The following LINGO2 variants were observed in gnomAD, a reference collection of about 807,000 sequenced individuals.
The protein encoded by LINGO2 is leucine rich repeat and Ig domain containing 2, also known as leucine-rich repeat and immunoglobulin-like domain-containing nogo receptor-interacting protein 2.
Under a neutral mutation model 30.6 loss-of-function variants are expected in LINGO2, and 14 were observed. The observed-to-expected ratio is 0.46, with a 90% CI of 0.30 to 0.72. LINGO2 has a LOEUF of 0.72. Among genes scored for constraint, LINGO2 ranks in the 30% least tolerant of loss-of-function variants. The pLI is 0.07. For missense variants in LINGO2, 729 were observed against 751.7 expected, an observed-to-expected ratio of 0.97 and a Z score of 0.35; for synonymous variants, 317 against 288.5, an observed-to-expected ratio of 1.10 and a Z score of -1.00.
intron 4 of LINGO2, among the ~76,000 whole-genome samples, chr9:28,185,085 T>C (rs1819495815): frequency 6.6e-6 from 1 of 152,174 alleles, no homozygotes; most frequent in Non-Finnish European, 1.5e-5. Context: ...AAATTGCACA[T>C]ATTTCAGGTA....
chr9:28,588,401 A>C (rs181337435), intron 1 of LINGO2, among the ~76,000 whole-genome samples: 1 of 152,130 alleles, frequency 6.6e-6, no homozygotes, highest in African/African-American at 2.4e-5. Context: ...GTTATCCAGT[A>C]GGATAACAAT....
At chr9:28,204,625 C>A (rs1254616173) in intron 4 of LINGO2, among the ~76,000 whole-genome samples, 3 of 152,096 alleles carry the variant, frequency 2.0e-5, no homozygotes, top group Admixed American at 1.3e-4. Context: ...GTTCCAGAAC[C>A]TAGACTGAGT....
the LINGO2 span, among the ~76,000 whole-genome samples, chr9:29,139,431 A>AT: frequency 1.8e-4 from 28 of 152,192 alleles, no homozygotes; most frequent in African/African-American, 6.5e-4. Context: ...ATATTAATAT[A>AT]TTTTTTCTGG....
chr9:28,821,085 G>A, the LINGO2 span, among the ~76,000 whole-genome samples: 1 of 152,190 alleles, frequency 6.6e-6, no homozygotes, highest in African/African-American at 2.4e-5. Flanking sequence ...AACTTAAATA[G>A]GAGCAGGAAA....
the LINGO2 span, among the ~76,000 whole-genome samples, chr9:28,949,610 G>T: frequency 6.6e-6 from 1 of 151,890 alleles, no homozygotes; most frequent in African/African-American, 2.4e-5. Context: ...AAATTGAGAC[G>T]GTAATTAATA....
chr9:28,793,992 T>G, the LINGO2 span, among the ~76,000 whole-genome samples: 1 of 152,098 alleles, frequency 6.6e-6, no homozygotes, highest in African/African-American at 2.4e-5. Context: ...CCTCAAAACC[T>G]CACCATTGCT....
At chr9:28,187,075 G>A (rs896336068) in intron 4 of LINGO2, among the ~76,000 whole-genome samples, 2 of 152,102 alleles carry the variant, frequency 1.3e-5, no homozygotes, top group African/African-American at 2.4e-5. Context: ...GGAGACTATA[G>A]CAGTCTTCTG....
the LINGO2 span, among the ~76,000 whole-genome samples, chr9:29,024,085 A>C: frequency 3.3e-5 from 5 of 152,136 alleles, no homozygotes; most frequent in Non-Finnish European, 7.4e-5. Flanking sequence ...AAAGCCTCTA[A>C]CCAGTCTTCC....
intron 1 of LINGO2, among the ~76,000 whole-genome samples, chr9:28,589,985 C>G (rs541819310): frequency 6.6e-6 from 1 of 152,114 alleles, no homozygotes; most frequent in Non-Finnish European, 1.5e-5. Context: ...GAACAGAGCC[C>G]TCAGAGATAA....
chr9:28,006,877 C>T (rs1822292115), intron 5 of LINGO2, among the ~76,000 whole-genome samples: 2 of 152,066 alleles, frequency 1.3e-5, no homozygotes, highest in East Asian at 1.9e-4. Flanking sequence ...TATGGTTGAA[C>T]AAGTGTAGAG....
At chr9:28,344,440 G>T (rs912579681) in intron 3 of LINGO2, among the ~76,000 whole-genome samples, 1 of 152,168 alleles carries the variant, frequency 6.6e-6, no homozygotes, top group Admixed American at 6.6e-5. Context: ...GTATATAACT[G>T]TAAAACAGTA....
chr9:28,315,650 A>G (rs1824816759), intron 3 of LINGO2, among the ~76,000 whole-genome samples: 1 of 152,294 alleles, frequency 6.6e-6, no homozygotes, highest in East Asian at 1.9e-4. Flanking sequence ...GCATTGGTAG[A>G]TGATTTACTA....
At chr9:28,278,934 A>G (rs1447400125) in intron 4 of LINGO2, among the ~76,000 whole-genome samples, 1 of 152,236 alleles carries the variant, frequency 6.6e-6, no homozygotes, top group Admixed American at 6.5e-5. Context: ...CATAAAGAAC[A>G]TTCATTATTC....
At chr9:27,957,530 G>C (rs1042783983) in intron 5 of LINGO2, among the ~76,000 whole-genome samples, 2 of 152,116 alleles carry the variant, frequency 1.3e-5, no homozygotes, top group African/African-American at 4.8e-5. Context: ...CTGACCTTGT[G>C]ATCTGCCCAC....
the LINGO2 span, among the ~76,000 whole-genome samples, chr9:28,713,518 T>A: frequency 2.5e-3 from 383 of 152,298 alleles, 4 homozygotes; most frequent in Admixed American, 0.012. Flanking sequence ...CATAAAATGC[T>A]CCATGCTCTT....
At chr9:29,029,756 G>C in the LINGO2 span, among the ~76,000 whole-genome samples, 2 of 152,032 alleles carry the variant, frequency 1.3e-5, no homozygotes, top group Non-Finnish European at 2.9e-5. Context: ...AAGTGGATTG[G>C]GGCAAGCAGC....
intron 1 of LINGO2, among the ~76,000 whole-genome samples, chr9:28,488,136 T>C (rs547447668): frequency 6.6e-6 from 1 of 152,172 alleles, no homozygotes; most frequent in Admixed American, 6.6e-5. Flanking sequence ...GGAGGTGATT[T>C]TGAGTAGCAA....
At chr9:29,094,905 A>C in the LINGO2 span, among the ~76,000 whole-genome samples, 1 of 138,952 alleles carries the variant, frequency 7.2e-6, no homozygotes, top group Admixed American at 7.4e-5. Context: ...TCTTTTAGGT[A>C]TATCTCTTTT....
chr9:28,616,797 A>AT (rs1826149586), intron 1 of LINGO2, among the ~76,000 whole-genome samples: 1 of 152,142 alleles, frequency 6.6e-6, no homozygotes, highest in South Asian at 2.1e-4. Context: ...TACATGAAAG[A>AT]TTTTTTCCAA....
Sources: allele counts gnomAD v4.1 joint callset (sites outside exome capture counted in the v4.1 genomes callset), GRCh38; gene constraint gnomAD v4.1.1; transcripts MANE v1.5; gene names NCBI Gene and HGNC (gene_info 2026-07-23, HGNC 2026-07-21).